The following PEAR1 variants were observed in gnomAD, a reference collection of about 807,000 sequenced individuals.
The protein encoded by PEAR1 is platelet endothelial aggregation receptor 1, also known as multiple EGF-like domains protein 12.
PEAR1 carries 113 observed loss-of-function variants against 131.2 expected under a neutral mutation model. The observed-to-expected ratio is 0.86, with a 90% CI of 0.74 to 1.01. PEAR1 has a LOEUF of 1.01. PEAR1 is among the 50% of genes least tolerant of loss of function. PEAR1 has a pLI of 0.00. For synonymous variants in PEAR1, 565 were observed against 523.3 expected (o/e 1.08, Z -1.09); for missense variants, 1,408 against 1,391.1 (o/e 1.01, Z -0.19).
intron 3 of PEAR1, chr1:156,905,112 CT>C (rs1558129768): frequency 7.8e-6 from 10 of 1,276,618 alleles, no homozygotes; most frequent in South Asian, 1.3e-5. Flanking sequence ...AATGCTCTTT[CT>C]TTTTTTAATA....
rs1650836142 is a variant in PEAR1 at position 156,909,818 on chromosome 1, C to T, written c.1479C>T (p.Ser493=). 7 of 1,614,024 alleles carry T rather than the reference C, an allele frequency of 4.3e-6. No homozygotes were observed. In the East Asian group the frequency reaches 1.3e-4, roughly 31 times the overall value. Residue 493 remains serine (S), a synonymous_variant, in exon 12 of 23, where the codon AGC becomes AGT. Coordinates refer to ENST00000292357, the MANE Select transcript of PEAR1 (RefSeq NM_001080471.3). ...PGTWGFSCNA[S]CQCAHEAVCS... ...CCTGGGGCTTCAGTTGCAATGCCAG[C>T]TGCCAGTGTGCCCATGAGGCAGTCT... is the stretch of plus-strand genomic sequence containing the variant.
In PEAR1 at chr1:156,905,359, A is replaced by G. The variant is rs1441635199; in HGVS notation, c.242A>G (p.Lys81Arg). The change falls in exon 4 of 23, where the codon AAG (lysine) becomes AGG (arginine). Residue 81 changes from lysine to arginine, a missense_variant. By Grantham distance (26) the Lys-to-Arg change is conservative (BLOSUM62 2). Coordinates refer to ENST00000292357, the MANE Select transcript of PEAR1 (RefSeq NM_001080471.3). ...CGGACCGTGTACCGTCAGGTGGTGA[A>G]GACGGACCACCGCCAGCGCCTGCAG... ...VYRTVYRQVV[K>R]TDHRQRLQCC... The G allele has an allele frequency of 6.2e-7, 1 of 1,612,016 alleles. No individual in the cohort carries two copies. Among genetic ancestry groups the G allele is most frequent in the African/African-American group, 1.3e-5 (1 of 74,886 alleles).
At chr1:156,907,171 G>A (rs1650423554) in intron 6 of PEAR1, among the ~76,000 whole-genome samples, 1 of 152,230 alleles carries the variant, frequency 6.6e-6, no homozygotes, top group Non-Finnish European at 1.5e-5. Context: ...GCTGCAAAGT[G>A]AGGCTGGGAC....
At position 156,907,623 on chromosome 1, in the gene PEAR1, T is replaced by A. The variant is rs1245695258; in HGVS notation, c.658T>A (p.Cys220Ser). 4.3e-6 allele frequency: 7 copies of A among 1,613,464 alleles called. No individual in the cohort carries two copies. In the South Asian group the frequency reaches 7.7e-5, roughly 18 times the overall value. Residue 220 changes from cysteine to serine, a missense_variant, in exon 7 of 23, where the codon TGT becomes AGT. By Grantham distance (112) the Cys-to-Ser change is moderately radical. Coordinates refer to ENST00000292357, the MANE Select transcript of PEAR1 (RefSeq NM_001080471.3). ...ERTGPSCDVS[C>S]SQGTSGFFCP... is the part of the protein sequence containing the mutation. ...TCTGTCCTGCAGCTGTGACGTGTCC[T>A]GTTCCCAGGGCACTTCTGGCTTCTT... is the stretch of plus-strand genomic sequence containing the variant.
At position 156,913,254 on chromosome 1, in the gene PEAR1, G is replaced by A. The variant is rs748878919; in HGVS notation, c.2483G>A (p.Cys828Tyr). 8 of 1,612,136 alleles carry A rather than the reference G, an allele frequency of 5.0e-6. No homozygotes were observed. In the South Asian group the frequency reaches 7.7e-5, roughly 16 times the overall value. The change falls in exon 19 of 23, where the codon TGC (cysteine) becomes TAC (tyrosine). Residue 828 changes from cysteine to tyrosine, a missense_variant. Coordinates refer to ENST00000292357, the MANE Select transcript of PEAR1 (RefSeq NM_001080471.3). ...SNPSYHTLSQ[C>Y]SPNPPPPNKV... ...CCCAGCTACCACACCCTGTCGCAGT[G>A]CTCCCCAAACCCCCCACCCCCTAAC... is the stretch of plus-strand genomic sequence containing the variant.
At chr1:156,905,001 AC>A (rs1363215169) in intron 3 of PEAR1, 149 bp downstream of exon 3, 10 of 1,548,322 alleles carry the variant, frequency 6.5e-6, no homozygotes, top group Non-Finnish European at 8.7e-6. Flanking sequence ...TGTGTCGGGT[AC>A]GTGTGTATGG....
rs1425703928 is a variant in PEAR1, at chr1:156,910,347, G to A, written c.1792G>A (p.Ala598Thr). The A allele has an allele frequency of 4.4e-6, 7 of 1,608,294 alleles. No individual in the cohort carries two copies. In the Admixed American group the frequency reaches 1.2e-4, roughly 27 times the overall value. The change falls in exon 14 of 23, where the codon GCA becomes ACA. Residue 598 changes from alanine to threonine, a missense_variant. Ala to Thr is a moderately conservative substitution (Grantham distance 58). Transcript: ENST00000292357. ...CCCTGAGAATGGCAACTGCGTGTGT[G>A]CACCCGGATTCCGGGGCCCCTCCTG... is the stretch of plus-strand genomic sequence containing the variant. Reference protein sequence around the residue: ...CLPENGNCVCAPGFRGPSCQR... With the variant: ...CLPENGNCVCTPGFRGPSCQR...
In PEAR1 at chr1:156,908,281, CG is replaced by C. The variant is rs1650607438; in HGVS notation, c.1058del (p.Gly353AlafsTer24). On this transcript the variant is annotated frameshift_variant, in exon 9 of 23. Coordinates refer to ENST00000292357, the MANE Select transcript of PEAR1 (RefSeq NM_001080471.3). LOFTEE classifies it high-confidence loss of function. The surrounding 1 kb of genome is among the most constrained non-coding windows in gnomAD (Gnocchi z 4.2). Reference sequence around the variant, plus strand: ...GCTGCACGGATCGCCTCTGCCCCGACGGCTTCTACGGTCTCAGCTGCCAGGC... The same window carrying C: ...GCTGCACGGATCGCCTCTGCCCCGACGCTTCTACGGTCTCAGCTGCCAGGC... ...DRCTDRLCPD[G>X]FYGLSCQAPC... 6.3e-7 allele frequency: 1 copy of C among 1,581,870 alleles called. No individual in the cohort carries two copies. The highest frequency in any genetic ancestry group is 2.3e-5 in the East Asian group (1 of 43,704).
At position 156,914,091 on chromosome 1, in the gene PEAR1, C is replaced by A; in HGVS notation, c.2953C>A (p.Leu985Met). ...DSGTYEQPSP[L>M]IHDRDSVGSQ... is the part of the protein sequence containing the mutation. ...TGGCACCTACGAGCAGCCCAGCCCC[C>A]TGATCCATGGTGAGCCCTCCCTCTC... Residue 985 changes from leucine (L) to methionine (M), a missense_variant, in exon 22 of 23, where the codon CTG becomes ATG. Physicochemically the swap from Leu to Met is conservative, Grantham distance 15. Coordinates refer to ENST00000292357, the MANE Select transcript of PEAR1 (RefSeq NM_001080471.3). 6.3e-7 allele frequency: 1 copy of A among 1,595,800 alleles called. No homozygotes were observed. Among genetic ancestry groups the A allele is most frequent in the East Asian group, 2.3e-5 (1 of 43,976 alleles).
intron 15 of PEAR1, among the ~76,000 whole-genome samples, chr1:156,911,065 CTTTCTTT>C (rs1414581168): frequency 8.8e-6 from 1 of 113,340 alleles, no homozygotes; most frequent in African/African-American, 5.4e-5. Flanking sequence ...TTCTTTCTTT[CTTTCTTT>C]CTTTCTTTCT....
rs1651381626 is a variant in PEAR1, at chr1:156,912,819, C to T, written c.2259C>T (p.Asn753=). The T allele has an allele frequency of 1.2e-6, 2 of 1,614,128 alleles. No individual in the cohort carries two copies. Among genetic ancestry groups the T allele is most frequent in the Non-Finnish European group, 1.7e-6 (2 of 1,180,058 alleles). The change falls in exon 18 of 23, where the codon AAC becomes AAT. Residue 753 remains asparagine (N), a synonymous_variant. Transcript: ENST00000292357. The part of the protein sequence containing the change: ...TVMPTTPVAY[N]SLGAVIGIAV... ...TGCCGACCACTCCAGTAGCGTATAACTCGCTGGGTGCAGTGATTGGCATTG... is the reference window on the plus strand; with the variant it reads ...TGCCGACCACTCCAGTAGCGTATAATTCGCTGGGTGCAGTGATTGGCATTG...
chr1:156,904,987 G>T, intron 3 of PEAR1, 135 bp downstream of exon 3: 1 of 1,554,384 alleles, frequency 6.4e-7, no homozygotes. Flanking sequence ...CATTCTGCAT[G>T]GTCTGTGTCG....
chr1:156,908,046 G>T lies in PEAR1; in HGVS notation c.897G>T (p.Gly299=). The T allele has an allele frequency of 1.3e-6, 2 of 1,575,406 alleles. No individual in the cohort carries two copies. Among genetic ancestry groups the T allele is most frequent in the East Asian group, 4.7e-5 (2 of 42,926 alleles). ...GCCGCTGCGCTCCGGGTTACACTGG[G>T]GATCGGTGAGTGGCGTGGGGCGGGC... is the stretch of plus-strand genomic sequence containing the variant. The part of the protein sequence containing the change: ...GQCRCAPGYT[G]DRCREECPVG... Residue 299 remains glycine (G), a synonymous_variant, in exon 8 of 23, where the codon GGG becomes GGT. Transcript: ENST00000292357. This position sits in a 1 kb window ranked among gnomAD's most constrained non-coding sequence, Gnocchi z 4.2.
intron 13 of PEAR1, 52 bp from the exon 14 acceptor site, chr1:156,910,182 C>A (rs1650886524): frequency 1.2e-6 from 2 of 1,612,640 alleles, no homozygotes; most frequent in South Asian, 2.2e-5. Context: ...AGAAGAGCCC[C>A]CTGGAACTGA....
In PEAR1 at chr1:156,909,841, T is replaced by C. The variant is rs147493020; in HGVS notation, c.1502T>C (p.Val501Ala). 2.1e-4 allele frequency: 331 copies of C among 1,613,782 alleles called. 1 individual carries two copies. The highest frequency in any genetic ancestry group is 4.4e-5 in the Non-Finnish European group (52 of 1,179,848). The change falls in exon 12 of 23, where the codon GTC becomes GCC. Residue 501 changes from valine to alanine, a missense_variant. By Grantham distance (64) the Val-to-Ala change is moderately conservative (BLOSUM62 0). Coordinates refer to ENST00000292357, the MANE Select transcript of PEAR1 (RefSeq NM_001080471.3). ...AGCTGCCAGTGTGCCCATGAGGCAGTCTGCAGCCCCCAAACTGGAGCCTGT... is the reference window on the plus strand; with the variant it reads ...AGCTGCCAGTGTGCCCATGAGGCAGCCTGCAGCCCCCAAACTGGAGCCTGT... ...NASCQCAHEA[V>A]CSPQTGACTC...
At chr1:156,910,913 C>A (rs1650994622) in intron 15 of PEAR1, among the ~76,000 whole-genome samples, 170 bp downstream of exon 15, 1 of 152,206 alleles carries the variant, frequency 6.6e-6, no homozygotes, top group Non-Finnish European at 1.5e-5. Flanking sequence ...GCTAAGGATG[C>A]AGCAGTGAAC....
At position 156,914,918 on chromosome 1, in the gene PEAR1, C is replaced by A. The variant is rs1651729010; in HGVS notation, c.*120C>A. On this transcript the variant is annotated 3_prime_UTR_variant, in exon 23 of 23. Coordinates refer to ENST00000292357, the MANE Select transcript of PEAR1 (RefSeq NM_001080471.3). Reference sequence around the variant, plus strand: ...TGGACCGGCAGGCTGTGAACATGAACAACGCTTAACAGAGCAAGTGATGGG... The same window carrying A: ...TGGACCGGCAGGCTGTGAACATGAAAAACGCTTAACAGAGCAAGTGATGGG... 5 of 1,102,590 alleles carry A rather than the reference C, an allele frequency of 4.5e-6. No individual in the cohort carries two copies. The highest frequency in any genetic ancestry group is 5.0e-6 in the Non-Finnish European group (4 of 792,300). The allele number at this position is 1,102,590 out of a possible 1,614,324, so 68.3% of individuals were successfully genotyped here. A position where few individuals can be genotyped will look rare whatever the true frequency, so the allele number is the denominator to read the frequency against.
Position 156,908,304 on chromosome 1 carries a change from A to T in PEAR1, c.1079A>T (p.Gln360Leu). ...CPDGFYGLSC[Q>L]APCTCDREHS... Reference sequence around the variant, plus strand: ...GACGGCTTCTACGGTCTCAGCTGCCAGGCCCCCTGCACCTGCGACCGGGAG... The same window carrying T: ...GACGGCTTCTACGGTCTCAGCTGCCTGGCCCCCTGCACCTGCGACCGGGAG... Residue 360 changes from glutamine to leucine, a missense_variant, in exon 9 of 23, where the codon CAG becomes CTG. By Grantham distance (113) the Gln-to-Leu change is moderately radical (BLOSUM62 -2). Coordinates refer to ENST00000292357, the MANE Select transcript of PEAR1 (RefSeq NM_001080471.3). This position sits in a 1 kb window ranked among gnomAD's most constrained non-coding sequence, Gnocchi z 4.2. 2 of 1,566,884 alleles carry T rather than the reference A, an allele frequency of 1.3e-6. No homozygotes were observed. The highest frequency in any genetic ancestry group is 1.7e-6 in the Non-Finnish European group (2 of 1,160,794).
At chr1:156,909,132 G>A (rs113152154) in intron 11 of PEAR1, 96 bp downstream of exon 11, 307 of 1,531,348 alleles carry the variant, frequency 2.0e-4, no homozygotes, top group African/African-American at 4.8e-4. Context: ...GCAGGGGAGC[G>A]GCTGCAGGGT....
Sources: allele counts gnomAD v4.1 joint callset (sites outside exome capture counted in the v4.1 genomes callset), GRCh38; gene constraint gnomAD v4.1.1; non-coding constraint Gnocchi (gnomAD v3.1); transcripts MANE v1.5; gene names NCBI Gene and HGNC (gene_info 2026-07-23, HGNC 2026-07-21).